Variants in LCT observed in about 807,000 individuals in gnomAD.
LCT encodes lactase/phlorizin hydrolase.
In LCT, 90 loss-of-function variants were observed where a neutral mutation model predicts 173.0. That is an observed-to-expected ratio of 0.52 (90% CI 0.44 to 0.62). The LOEUF (loss-of-function observed/expected upper bound fraction) is 0.62, where lower values mean the gene tolerates loss of function less well. Ranked by LOEUF, LCT falls within the 20% of genes least tolerant of loss-of-function variation. The pLI is 0.00. For synonymous variants in LCT, 853 were observed against 957.6 expected, an observed-to-expected ratio of 0.89 and a Z score of 2.02; for missense variants, 1,864 against 2,431.4, an observed-to-expected ratio of 0.77 and a Z score of 4.91.
At chr2:135,827,081 C>T (rs1224688646) in intron 3 of LCT, among the ~76,000 whole-genome samples, 1 of 152,054 alleles carries the variant, frequency 6.6e-6, no homozygotes, top group Non-Finnish European at 1.5e-5. Flanking sequence ...CGGGTTCAAG[C>T]GATTGTTGTG....
chr2:135,800,356 C>A (rs886748234), intron 12 of LCT, among the ~76,000 whole-genome samples: 1 of 152,256 alleles, frequency 6.6e-6, no homozygotes, highest in East Asian at 1.9e-4. Flanking sequence ...GCCTCCTGAG[C>A]AGCTGGGACT....
intron 11 of LCT, among the ~76,000 whole-genome samples, chr2:135,801,634 G>A (rs947306024): frequency 2.0e-5 from 3 of 151,268 alleles, no homozygotes; most frequent in South Asian, 2.1e-4. Context: ...AGAATCACTC[G>A]AATCCAGGAG....
intron 16 of LCT, 146 bp from the exon 17 acceptor site, chr2:135,788,690 C>CT (rs1241586532): frequency 1.4e-5 from 10 of 701,580 alleles, no homozygotes; most frequent in Non-Finnish European, 5.2e-6. Flanking sequence ...TCCCCTTTCA[C>CT]TGTGTGTCAG....
chr2:135,810,157 T>C, intron 7 of LCT, 164 bp from the exon 8 acceptor site: 1 of 613,182 alleles, frequency 1.6e-6, no homozygotes. Context: ...ATTATTTTAT[T>C]TATTTATCTT....
chr2:135,812,122 C>G (rs2077739069), intron 7 of LCT, among the ~76,000 whole-genome samples, 189 bp downstream of exon 7: 1 of 152,112 alleles, frequency 6.6e-6, no homozygotes, highest in Non-Finnish European at 1.5e-5. Flanking sequence ...ACCACAGGAG[C>G]AAAGACGTGA....
At chr2:135,818,317 C>T (rs11884924) in intron 5 of LCT, among the ~76,000 whole-genome samples, 8 of 152,038 alleles carry the variant, frequency 5.3e-5, no homozygotes, top group Admixed American at 2.0e-4. Context: ...TATTAGATTG[C>T]CCTTGAATAT....
chr2:135,804,800 G>C lies in LCT; in HGVS notation c.4431C>G (p.Ile1477Met). 6.2e-7 allele frequency: 1 copy of C among 1,613,216 alleles called. No homozygotes were observed. Among genetic ancestry groups the C allele is most frequent in the Non-Finnish European group, 8.5e-7 (1 of 1,180,034 alleles). The part of the protein sequence containing the change: ...EAGLNYYVRL[I>M]DTLLAASIQP... ...GGATGCTGGCGGCCAGCAGTGTATCGATGAGCCTCACGTAGTAGTTCAGGC... is the reference window on the plus strand; with the variant it reads ...GGATGCTGGCGGCCAGCAGTGTATCCATGAGCCTCACGTAGTAGTTCAGGC... Residue 1477 changes from isoleucine to methionine, a missense_variant, in exon 10 of 17, where the codon ATC (isoleucine) becomes ATG (methionine). This residue lies in a region of LCT where 514 missense variants were observed against 750.1 expected (regional missense o/e 0.69). Transcript: ENST00000264162.
chr2:135,803,325 T>G (rs1350551451), intron 11 of LCT, among the ~76,000 whole-genome samples: 2 of 152,206 alleles, frequency 1.3e-5, no homozygotes, highest in African/African-American at 4.8e-5. Context: ...AATTATTGCA[T>G]GTCAACCAAA....
At chr2:135,796,292 T>G (rs1370683065) in intron 13 of LCT, among the ~76,000 whole-genome samples, 1 of 152,208 alleles carries the variant, frequency 6.6e-6, no homozygotes, top group Non-Finnish European at 1.5e-5. Flanking sequence ...TCAAGAACCT[T>G]CCTTCCCTGG....
rs758837934 is a variant in LCT, at chr2:135,809,375, G to A, written c.2972C>T (p.Ser991Phe). The A allele has an allele frequency of 3.7e-6, 6 of 1,614,206 alleles. No individual in the cohort carries two copies. The East Asian group carries it at 6.7e-5, about 18-fold the overall frequency. ...ATAATCAACCCCATGACTGTTGATA[G>A]AGCTGTTTCTCCCAGTTGGGAAAAT... ...SRIFPTGRNS[S>F]INSHGVDYYN... Residue 991 changes from serine (S) to phenylalanine (F), a missense_variant, in exon 8 of 17, where the codon TCT (serine) becomes TTT (phenylalanine). Ser to Phe is a radical substitution (Grantham distance 155). This residue lies in a region of LCT where 755 missense variants were observed against 926.3 expected (regional missense o/e 0.82). Transcript: ENST00000264162. The surrounding 1 kb of genome is among the most constrained non-coding windows in gnomAD (Gnocchi z 5.5).
intron 6 of LCT, among the ~76,000 whole-genome samples, chr2:135,814,304 G>A (rs887295504): frequency 1.3e-5 from 2 of 152,072 alleles, no homozygotes; most frequent in African/African-American, 4.8e-5. Flanking sequence ...CAAAAGCAAG[G>A]ATGTCTTTCT....
At chr2:135,814,326 C>T (rs568633574) in intron 6 of LCT, among the ~76,000 whole-genome samples, 71 of 152,186 alleles carry the variant, frequency 4.7e-4, no homozygotes, top group African/African-American at 1.7e-3. Context: ...CTAAATTAGC[C>T]AGTGTCAGGA....
Position 135,817,838 on chromosome 2 carries a change from C to A in LCT, c.1210G>T (p.Gly404Cys). 1 of 1,614,070 alleles carries A rather than the reference C, an allele frequency of 6.2e-7. No individual in the cohort carries two copies. The highest frequency in any genetic ancestry group is 8.5e-7 in the Non-Finnish European group (1 of 1,180,040). Residue 404 changes from glycine to cysteine, a missense_variant, in exon 6 of 17, where the codon GGT (glycine) becomes TGT (cysteine). Gly to Cys is a radical substitution (Grantham distance 159). Around this residue, in one of 4 missense-constraint regions of LCT, gnomAD observed 183 missense variants for 293.1 expected, o/e 0.62. Transcript: ENST00000264162. ...TCCCAGATGCTCACCCCTCTCCCAC[C>A]CTCGGCCCAGCCTCCTTCCACGTTA... ...AFNVEGGWAE[G>C]GRGVSIWDPR... is the part of the protein sequence containing the mutation.
At chr2:135,788,656 G>A (rs561185787) in intron 16 of LCT, 112 bp from the exon 17 acceptor site, 63 of 756,312 alleles carry the variant, frequency 8.3e-5, no homozygotes, top group Admixed American at 1.7e-4. Flanking sequence ...AGCCATTGAC[G>A]GGATGCCGAG....
chr2:135,789,854 G>A, intron 15 of LCT, 56 bp from the exon 16 acceptor site: 2 of 1,464,582 alleles, frequency 1.4e-6, no homozygotes, highest in Non-Finnish European at 1.9e-6. Context: ...GCAGCTTCCT[G>A]CCAGGCCTTC....
intron 6 of LCT, among the ~76,000 whole-genome samples, chr2:135,813,431 C>A (rs550262268): frequency 1.3e-5 from 2 of 152,334 alleles, no homozygotes; most frequent in Admixed American, 6.5e-5. Flanking sequence ...AAGTCAACAG[C>A]AATTCTTCAA....
Position 135,817,931 on chromosome 2 carries a change from C to G in LCT, c.1117G>C (p.Glu373Gln). 1 of 1,614,040 alleles carries G rather than the reference C, an allele frequency of 6.2e-7. No homozygotes were observed. The highest frequency in any genetic ancestry group is 2.2e-5 in the East Asian group (1 of 44,872). The change falls in exon 6 of 17, where the codon GAA (glutamate) becomes CAA (glutamine). Residue 373 changes from glutamate to glutamine, a missense_variant. Physicochemically the swap from Glu to Gln is conservative, Grantham distance 29. This residue lies in a region of LCT where 412 missense variants were observed against 462.0 expected (regional missense o/e 0.89). Transcript: ENST00000264162. ...GTATCCTGCAGGAAGGCATCCCTTTCCGCCCTGGACTGATTGGCAAATGCT... is the reference window on the plus strand; with the variant it reads ...GTATCCTGCAGGAAGGCATCCCTTTGCGCCCTGGACTGATTGGCAAATGCT... Reference protein sequence around the residue: ...WEAFANQSRAERDAFLQDTFP... With the variant: ...WEAFANQSRAQRDAFLQDTFP...
Position 135,808,883 on chromosome 2 carries a change from G to A in LCT, c.3464C>T (p.Ala1155Val). 1 of 1,614,186 alleles carries A rather than the reference G, an allele frequency of 6.2e-7. No homozygotes were observed. Residue 1155 changes from alanine to valine, a missense_variant, in exon 8 of 17, where the codon GCT becomes GTT. Ala to Val is a moderately conservative substitution (Grantham distance 64). Coordinates refer to ENST00000264162, the MANE Select transcript of LCT (RefSeq NM_002299.4). Reference sequence around the variant, plus strand: ...GTCTCCGTTTCTAAAAATGGGGTGAGCAAACCAGCCCAGGGAGAACTGCAG... The same window carrying A: ...GTCTCCGTTTCTAAAAATGGGGTGAACAAACCAGCCCAGGGAGAACTGCAG... ...RMLQFSLGWF[A>V]HPIFRNGDYP...
intron 6 of LCT, among the ~76,000 whole-genome samples, chr2:135,816,257 C>G (rs201715052): frequency 6.6e-6 from 1 of 152,358 alleles, no homozygotes; most frequent in African/African-American, 2.4e-5. Flanking sequence ...TCTGCCTCCT[C>G]AGCTCTCAGT....
Sources: allele counts gnomAD v4.1 joint callset (sites outside exome capture counted in the v4.1 genomes callset), GRCh38; gene constraint gnomAD v4.1.1; regional missense constraint gnomAD v4.1.1; non-coding constraint Gnocchi (gnomAD v3.1); transcripts MANE v1.5; gene names NCBI Gene and HGNC (gene_info 2026-07-23, HGNC 2026-07-21).